UBR7: variants seen among roughly 807,000 people sequenced by gnomAD.
The protein encoded by UBR7 is putative E3 ubiquitin-protein ligase UBR7.
Under a neutral mutation model 57.0 loss-of-function variants are expected in UBR7, and 22 were observed. The observed-to-expected ratio is 0.39, with a 90% CI of 0.28 to 0.55. The LOEUF is 0.55. Among genes scored for constraint, UBR7 ranks in the 20% least tolerant of loss-of-function variants. The pLI, the probability that UBR7 is intolerant of heterozygous loss-of-function variation, is 0.69. For synonymous variants in UBR7, 167 were observed against 179.8 expected (o/e 0.93, Z 0.57); for missense variants, 395 against 513.2 (o/e 0.77, Z 2.23).
intron 10 of UBR7, among the ~76,000 whole-genome samples, chr14:93,222,827 G>A (rs891369569): frequency 3.9e-5 from 6 of 152,158 alleles, no homozygotes; most frequent in Non-Finnish European, 7.3e-5. Flanking sequence ...AGGCTAAGGG[G>A]AATGAATAAG....
intron 1 of UBR7, among the ~76,000 whole-genome samples, chr14:93,208,675 T>C (rs945169696): frequency 2.0e-5 from 3 of 151,914 alleles, no homozygotes; most frequent in African/African-American, 7.3e-5. Flanking sequence ...AAAAGGCTTA[T>C]TGGAATAGAA....
intron 6 of UBR7, among the ~76,000 whole-genome samples, chr14:93,215,885 A>G (rs911417207): frequency 2.0e-5 from 3 of 152,172 alleles, no homozygotes; most frequent in Non-Finnish European, 4.4e-5. Flanking sequence ...TAAGTTGTTA[A>G]TTCTAACACA....
At chr14:93,213,977 A>G (rs1237087473) in intron 4 of UBR7, among the ~76,000 whole-genome samples, 2 of 151,674 alleles carry the variant, frequency 1.3e-5, no homozygotes, top group African/African-American at 4.9e-5. Flanking sequence ...CCCAGGCTGG[A>G]GTACAGTAGT....
intron 3 of UBR7, among the ~76,000 whole-genome samples, chr14:93,211,817 CACAAAAAAAA>C (rs1038750790): frequency 3.4e-5 from 5 of 148,836 alleles, no homozygotes; most frequent in South Asian, 2.1e-4. Context: ...TCCTAATTAC[CACAAAAAAAA>C]ACAAAAAAAA....
chr14:93,214,330 A>G (rs1894549371), intron 4 of UBR7, among the ~76,000 whole-genome samples: 1 of 152,254 alleles, frequency 6.6e-6, no homozygotes, highest in Non-Finnish European at 1.5e-5. Context: ...GGAAAAGGAC[A>G]GAACAACATT....
rs1894568670 is a variant in UBR7, at chr14:93,215,283, T to A, written c.601+2T>A. ...GGGCTTATGCTGCACAATTGGCAGG[T>A]AGGTATCTTTGTGAAGTTGGTGTGC... On this transcript the variant is annotated splice_donor_variant, in intron 6 of 10. Coordinates refer to ENST00000013070, the MANE Select transcript of UBR7 (RefSeq NM_175748.4). LOFTEE classifies it high-confidence loss of function. The A allele has an allele frequency of 6.4e-7, 1 of 1,568,336 alleles. No homozygotes were observed. The highest frequency in any genetic ancestry group is 8.7e-7 in the Non-Finnish European group (1 of 1,155,156).
At chr14:93,209,716 A>G in intron 1 of UBR7, 108 bp from the exon 2 acceptor site, 1 of 1,402,550 alleles carries the variant, frequency 7.1e-7, no homozygotes, top group Non-Finnish European at 9.7e-7. Flanking sequence ...TTACAGAAAG[A>G]TCTTGACCAC....
Position 93,207,331 on chromosome 14 carries a change from C to G in UBR7, c.40C>G (p.Leu14Val). 6.4e-7 allele frequency: 1 copy of G among 1,558,156 alleles called. No homozygotes were observed. The highest frequency in any genetic ancestry group is 8.7e-7 in the Non-Finnish European group (1 of 1,150,638). The change falls in exon 1 of 11, where the codon CTG becomes GTG. Residue 14 changes from leucine (L) to valine (V), a missense_variant. Leu to Val is a conservative substitution (Grantham distance 32, BLOSUM62 1). Transcript: ENST00000013070. ...GGGCGCCGCTGGGCGGCAGTCGGAG[C>G]TGGAGCCCGTGGTATCGTTGGTCGA... ...AEGAAGRQSE[L>V]EPVVSLVDVL...
rs770299464 is a variant in UBR7 at position 93,219,376 on chromosome 14, T to G, written c.960+15T>G. 1.2e-6 allele frequency: 2 copies of G among 1,614,094 alleles called. No individual in the cohort carries two copies. The highest frequency in any genetic ancestry group is 3.3e-5 in the Admixed American group (2 of 59,996). ...AAGACTGTATGGTAAAGTATCTGAT[T>G]GTGCTCAGTGTTAGCATGTTTTGTG... On this transcript the variant is annotated intron_variant, in intron 8 of 10. Transcript: ENST00000013070.
rs778373984 is a variant in UBR7, at chr14:93,214,920, C to G, written c.442-9C>G. ...ATGTAATCCTTAACAAACTGCTTTT[C>G]TCTGTTAGATTCCAGATGAGATGAT... On this transcript the variant is annotated splice_polypyrimidine_tract_variant and intron_variant, in intron 4 of 10. Coordinates refer to ENST00000013070, the MANE Select transcript of UBR7 (RefSeq NM_175748.4). 6.2e-7 allele frequency: 1 copy of G among 1,613,162 alleles called. No homozygotes were observed. The highest frequency in any genetic ancestry group is 8.5e-7 in the Non-Finnish European group (1 of 1,179,362).
chr14:93,211,899 C>G, intron 3 of UBR7, 133 bp from the exon 4 acceptor site: 1 of 669,336 alleles, frequency 1.5e-6, no homozygotes, highest in South Asian at 2.0e-5. Flanking sequence ...TTTTTTTTTC[C>G]TACTTTGAAA....
In UBR7 at chr14:93,226,989, C is replaced by T; in HGVS notation, c.1232C>T (p.Ser411Leu). 6.2e-7 allele frequency: 1 copy of T among 1,612,694 alleles called. No individual in the cohort carries two copies. The highest frequency in any genetic ancestry group is 8.5e-7 in the Non-Finnish European group (1 of 1,179,356). ...CAGCAGTTCTTTGAAGAGTTTCAGTCAAAAAAGAGAAGAAGAGTGGATGGG... is the reference window on the plus strand; with the variant it reads ...CAGCAGTTCTTTGAAGAGTTTCAGTTAAAAAAGAGAAGAAGAGTGGATGGG... ...DIQQFFEEFQ[S>L]KKRRRVDGMQ... The change falls in exon 11 of 11, where the codon TCA (serine) becomes TTA (leucine). Residue 411 changes from serine to leucine, a missense_variant. Physicochemically the swap from Ser to Leu is moderately radical, Grantham distance 145. Coordinates refer to ENST00000013070, the MANE Select transcript of UBR7 (RefSeq NM_175748.4).
rs774521080 is a variant in UBR7 at position 93,227,168 on chromosome 14, C to T, written c.*133C>T. Reference sequence around the variant, plus strand: ...GGAGAGGCCTCGCGCTCCCTTCATTCTCTTTAGCTGCAGTAGCCACCGTGT... The same window carrying T: ...GGAGAGGCCTCGCGCTCCCTTCATTTTCTTTAGCTGCAGTAGCCACCGTGT... On this transcript the variant is annotated 3_prime_UTR_variant, in exon 11 of 11. Transcript: ENST00000013070. 2 of 689,072 alleles carry T rather than the reference C, an allele frequency of 2.9e-6. No individual in the cohort carries two copies. Among genetic ancestry groups the T allele is most frequent in the African/African-American group, 1.8e-5 (1 of 56,472 alleles). 42.7% of individuals were successfully genotyped at this position (689,072 alleles called of 1,614,324 possible).
At chr14:93,222,133 T>G (rs1894721655) in intron 9 of UBR7, among the ~76,000 whole-genome samples, 180 bp from the exon 10 acceptor site, 1 of 151,742 alleles carries the variant, frequency 6.6e-6, no homozygotes, top group Non-Finnish European at 1.5e-5. Context: ...AAAAAGGGTC[T>G]CATATCAACA....
intron 1 of UBR7, 57 bp downstream of exon 1, chr14:93,207,498 G>A: frequency 1.3e-6 from 2 of 1,488,302 alleles, no homozygotes; most frequent in Non-Finnish European, 1.8e-6. Flanking sequence ...TCCCCTTCCC[G>A]GCCCGGCTGT....
At position 93,219,309 on chromosome 14, in the gene UBR7, C is replaced by T. The variant is rs1894657263; in HGVS notation, c.908C>T (p.Thr303Ile). 1 of 1,614,174 alleles carries T rather than the reference C, an allele frequency of 6.2e-7. No homozygotes were observed. Among genetic ancestry groups the T allele is most frequent in the Non-Finnish European group, 8.5e-7 (1 of 1,180,042 alleles). Residue 303 changes from threonine to isoleucine, a missense_variant, in exon 8 of 11, where the codon ACC (threonine) becomes ATC (isoleucine). Physicochemically the swap from Thr to Ile is moderately conservative, Grantham distance 89. Coordinates refer to ENST00000013070, the MANE Select transcript of UBR7 (RefSeq NM_175748.4). ...CAGCTTATAAAGAAAGACACTGCCA[C>T]CTATTGGCCCCTGAACTGGCGTAGC... is the stretch of plus-strand genomic sequence containing the variant. ...AKQLIKKDTA[T>I]YWPLNWRSKL...
chr14:93,226,101 G>A (rs752101290), intron 10 of UBR7, among the ~76,000 whole-genome samples: 4 of 152,134 alleles, frequency 2.6e-5, no homozygotes, highest in Non-Finnish European at 5.9e-5. Flanking sequence ...TTATGAAACT[G>A]GTGTATCAGC....
chr14:93,213,457 G>A (rs1341179606), intron 4 of UBR7, among the ~76,000 whole-genome samples: 3 of 151,724 alleles, frequency 2.0e-5, no homozygotes, highest in Middle Eastern at 6.3e-3. Context: ...ACAGGTGCCC[G>A]CCACCACGCC....
chr14:93,218,131 C>T (rs1232930105), intron 6 of UBR7, among the ~76,000 whole-genome samples: 2 of 151,488 alleles, frequency 1.3e-5, no homozygotes, highest in Admixed American at 1.3e-4. Flanking sequence ...TATTGTATGC[C>T]TGATGTGGTG....
Sources: allele counts gnomAD v4.1 joint callset (sites outside exome capture counted in the v4.1 genomes callset), GRCh38; gene constraint gnomAD v4.1.1; transcripts MANE v1.5; gene names NCBI Gene and HGNC (gene_info 2026-07-23, HGNC 2026-07-21).